Variants in ZNF600 observed in about 807,000 individuals in gnomAD.
ZNF600 encodes the protein zinc finger protein KR-ZNF1.
Under a neutral mutation model 7.3 loss-of-function variants are expected in ZNF600, and 4 were observed. That is an observed-to-expected ratio of 0.55 (90% CI 0.27 to 1.25). The LOEUF (loss-of-function observed/expected upper bound fraction) is 1.25. ZNF600 is among the 50% of genes most tolerant of loss of function. The pLI, the probability that ZNF600 is intolerant of heterozygous loss-of-function variation, is 0.12. For missense variants in ZNF600, 911 were observed against 922.1 expected, an observed-to-expected ratio of 0.99 and a Z score of 0.16; for synonymous variants, 290 against 308.9, an observed-to-expected ratio of 0.94 and a Z score of 0.64.
At chr19:52,779,580 A>G (rs1386070987) in intron 1 of ZNF600, among the ~76,000 whole-genome samples, 1 of 152,154 alleles carries the variant, frequency 6.6e-6, no homozygotes, top group Non-Finnish European at 1.5e-5. Context: ...GGGGTGAATG[A>G]TGGGCTGTGT....
chr19:52,785,448 CCT>C (rs1228425538), intron 1 of ZNF600, among the ~76,000 whole-genome samples: 1 of 151,886 alleles, frequency 6.6e-6, no homozygotes, highest in Non-Finnish European at 1.5e-5. Context: ...GGGGTTTCTC[CCT>C]GTTGATCAGG....
At chr19:52,768,619 C>T (rs2062607986) in intron 3 of ZNF600, among the ~76,000 whole-genome samples, 1 of 151,820 alleles carries the variant, frequency 6.6e-6, no homozygotes, top group Admixed American at 6.6e-5. Flanking sequence ...GATCTCAGCT[C>T]ACTGCAACCT....
chr19:52,796,657 G>A, the ZNF600 span, among the ~76,000 whole-genome samples: 26 of 152,268 alleles, frequency 1.7e-4, no homozygotes, highest in African/African-American at 6.3e-4. Context: ...TGTGGAGACA[G>A]GGGTTTCACC....
At chr19:52,770,122 A>G (rs2062619721) in intron 3 of ZNF600, among the ~76,000 whole-genome samples, 1 of 152,186 alleles carries the variant, frequency 6.6e-6, no homozygotes, top group Non-Finnish European at 1.5e-5. Context: ...TGAGGTCAAG[A>G]AAATACACAG....
At chr19:52,821,932 T>TA in the ZNF600 span, among the ~76,000 whole-genome samples, 73,465 of 149,702 alleles carry the variant, frequency 0.49, 19,278 homozygotes, top group Non-Finnish European at 0.6. Context: ...AAAAAAATAA[T>TA]AAAAAAAAAA....
At chr19:52,810,048 G>A in the ZNF600 span, 7 of 738,102 alleles carry the variant, frequency 9.5e-6, no homozygotes, top group Admixed American at 2.0e-5. Context: ...CCAGCCCCGC[G>A]CCCCATGCCT....
chr19:52,783,656 T>C (rs7245596), intron 1 of ZNF600, among the ~76,000 whole-genome samples: 47,705 of 152,102 alleles, frequency 0.31, 10,154 homozygotes, highest in African/African-American at 0.59. Flanking sequence ...CCACTGCACC[T>C]GGCCTCCCTT....
chr19:52,770,303 A>G (rs1430827424), intron 3 of ZNF600, among the ~76,000 whole-genome samples: 1 of 152,114 alleles, frequency 6.6e-6, no homozygotes, highest in Admixed American at 6.6e-5. Flanking sequence ...ACAGCTGGGT[A>G]TGGTGGCAGA....
chr19:52,824,114 G>C, the ZNF600 span, among the ~76,000 whole-genome samples: 2 of 151,310 alleles, frequency 1.3e-5, no homozygotes, highest in South Asian at 4.2e-4. Context: ...AAATATGGCC[G>C]GCGCAGTGGC....
chr19:52,783,707 T>C (rs923192173), intron 1 of ZNF600, among the ~76,000 whole-genome samples: 6 of 152,110 alleles, frequency 3.9e-5, no homozygotes, highest in Admixed American at 3.9e-4. Flanking sequence ...TCTCTCTCCA[T>C]CTGTTTCTTT....
At chr19:52,775,925 G>A (rs1356939132) in intron 2 of ZNF600, among the ~76,000 whole-genome samples, 6 of 151,860 alleles carry the variant, frequency 4.0e-5, no homozygotes, top group Admixed American at 3.9e-4. Context: ...AGAATTGCTT[G>A]AAACTGGGAG....
chr19:52,811,451 G>A, the ZNF600 span, among the ~76,000 whole-genome samples: 10 of 147,270 alleles, frequency 6.8e-5, no homozygotes, highest in African/African-American at 2.3e-4. Flanking sequence ...AGCGAGGAGC[G>A]CCTCTTCCCC....
chr19:52,774,724 A>G lies in ZNF600; in HGVS notation c.64-23T>C, dbSNP rs992634284. On this transcript the variant is annotated intron_variant, in intron 2 of 3. Coordinates refer to ENST00000648973, the Ensembl canonical transcript of ZNF600. ...TCCCTAAAATGAAACACACATTTCCACAAAACATTATGGAGGATTGAGTTA... is the reference window on the plus strand; with the variant it reads ...TCCCTAAAATGAAACACACATTTCCGCAAAACATTATGGAGGATTGAGTTA... 5.1e-6 allele frequency: 5 copies of G among 985,344 alleles called. No homozygotes were observed. The African/African-American group carries it at 7.0e-5, about 14-fold the overall frequency. 61.0% of individuals were successfully genotyped at this position (985,344 alleles called of 1,614,324 possible).
chr19:52,822,197 G>T, the ZNF600 span, among the ~76,000 whole-genome samples: 247 of 146,956 alleles, frequency 1.7e-3, 2 homozygotes, highest in African/African-American at 6.0e-3. Flanking sequence ...CTCAGCCTCC[G>T]GAGTAGCTGG....
At chr19:52,810,495 T>A in the ZNF600 span, 8 of 1,585,126 alleles carry the variant, frequency 5.0e-6, no homozygotes, top group Non-Finnish European at 6.9e-6. Context: ...GATGAGTCCC[T>A]ATTTAGAGGA....
chr19:52,820,684 A>T, the ZNF600 span, among the ~76,000 whole-genome samples: 1 of 151,792 alleles, frequency 6.6e-6, no homozygotes, highest in Non-Finnish European at 1.5e-5. Flanking sequence ...GAGCCTCCAC[A>T]TTTCTGCCCC....
chr19:52,824,650 CTAACTT>C, the ZNF600 span, among the ~76,000 whole-genome samples: 74 of 152,068 alleles, frequency 4.9e-4, no homozygotes, highest in African/African-American at 1.8e-3. Context: ...AAAGAAATAA[CTAACTT>C]TAAAGACGAA....
chr19:52,781,405 C>A (rs57386417), intron 1 of ZNF600: 3 of 151,846 alleles, frequency 2.0e-5, no homozygotes, highest in African/African-American at 7.3e-5. Flanking sequence ...GGAGGAAGGA[C>A]GTGTGGCTGA....
At chr19:52,806,438 C>A in the ZNF600 span, among the ~76,000 whole-genome samples, 13 of 152,162 alleles carry the variant, frequency 8.5e-5, no homozygotes, top group African/African-American at 3.1e-4. Flanking sequence ...AGGTGATATG[C>A]CCATCTCAGC....
Sources: allele counts gnomAD v4.1 joint callset (sites outside exome capture counted in the v4.1 genomes callset), GRCh38; gene constraint gnomAD v4.1.1; transcripts MANE v1.5; gene names NCBI Gene and HGNC (gene_info 2026-07-23, HGNC 2026-07-21).